Variants in DECR2 observed in about 807,000 individuals in gnomAD.
The protein encoded by DECR2 is 2,4-dienoyl-CoA reductase 2.
DECR2 carries 34 observed loss-of-function variants against 29.2 expected under a neutral mutation model. That is an observed-to-expected ratio of 1.16 (90% confidence interval 0.89 to 1.55). The LOEUF (loss-of-function observed/expected upper bound fraction) is 1.55, where lower values mean the gene tolerates loss of function less well. Among genes scored for constraint, DECR2 ranks in the 40% most tolerant of loss-of-function variants. DECR2 has a pLI of 0.00. For missense variants in DECR2, 485 were observed against 425.3 expected (o/e 1.14, Z -1.23); for synonymous variants, 224 against 182.7 (o/e 1.23, Z -1.82).
rs1401921859 is a variant in DECR2, at chr16:411,042, C to T, written c.627C>T (p.Gly209=). ...QNIRVNSLAP[G]PISGTEGLRR... The stretch of plus-strand genomic sequence containing the variant: ...TCCGCGTCAACAGCCTCGCCCCTGG[C>T]CCCATCAGTGGCACAGAGGGGCTCC... The change falls in exon 7 of 9, where the codon GGC becomes GGT. Residue 209 remains glycine, a synonymous_variant. Transcript: ENST00000219481. The T allele has an allele frequency of 1.3e-6, 2 of 1,584,718 alleles. No homozygotes were observed. The highest frequency in any genetic ancestry group is 2.3e-5 in the South Asian group (2 of 85,968).
intron 8 of DECR2, 128 bp from the exon 9 acceptor site, chr16:411,762 T>A (rs1204504): frequency 3.3e-6 from 2 of 608,552 alleles, no homozygotes; most frequent in South Asian, 2.3e-5. Context: ...GGCGCTGGTG[T>A]ACTTGCTCTT....
rs765424319 is a variant in DECR2, at chr16:410,775, G to T, written c.547G>T (p.Ala183Ser). 1.9e-6 allele frequency: 3 copies of T among 1,596,634 alleles called. No individual in the cohort carries two copies. In the South Asian group the frequency reaches 3.4e-5, roughly 18 times the overall value. The change falls in exon 6 of 9, where the codon GCC (alanine) becomes TCC (serine). Residue 183 changes from alanine to serine, a missense_variant. Ala to Ser is a moderately conservative substitution (Grantham distance 99, BLOSUM62 1). Coordinates refer to ENST00000219481, the MANE Select transcript of DECR2 (RefSeq NM_020664.4). This position sits in a 1 kb window ranked among gnomAD's most constrained non-coding sequence, Gnocchi z 4.1. ...CCAGGTGCATGCAGGCTCCGCCAAG[G>T]CCGCTGTGGGTATGACCACCCCCCC... ...ALQVHAGSAK[A>S]AVDAMTRHLA... is the part of the protein sequence containing the mutation.
At position 410,182 on chromosome 16, in the gene DECR2, C is replaced by A; in HGVS notation, c.338-61C>A. On this transcript the variant is annotated intron_variant, in intron 4 of 8. Coordinates refer to ENST00000219481, the MANE Select transcript of DECR2 (RefSeq NM_020664.4). The surrounding 1 kb of genome is among the most constrained non-coding windows in gnomAD (Gnocchi z 4.1). ...ACCCTCCGCTCTGCCCACCTGGCCA[C>A]CACCCACTTGGCATCCCTCTCCCCA... is the stretch of plus-strand genomic sequence containing the variant. 1 of 1,579,164 alleles carries A rather than the reference C, an allele frequency of 6.3e-7. No individual in the cohort carries two copies. The highest frequency in any genetic ancestry group is 1.1e-5 in the South Asian group (1 of 87,724).
chr16:407,362 C>T lies in DECR2; in HGVS notation c.202-63C>T. On this transcript the variant is annotated intron_variant, in intron 3 of 8. Transcript: ENST00000219481. ...CGGAAGCATCGTCCTCTGCAGATTCCAAAGGCCTTTTCTCCAGGCCGAGGC... is the reference window on the plus strand; with the variant it reads ...CGGAAGCATCGTCCTCTGCAGATTCTAAAGGCCTTTTCTCCAGGCCGAGGC... 3 of 1,538,074 alleles carry T rather than the reference C, an allele frequency of 2.0e-6. No homozygotes were observed. In the African/African-American group the frequency reaches 4.1e-5, roughly 21 times the overall value.
At position 410,112 on chromosome 16, in the gene DECR2, A is replaced by C; in HGVS notation, c.338-131A>C. On this transcript the variant is annotated intron_variant, in intron 4 of 8. Transcript: ENST00000219481. This position sits in a 1 kb window ranked among gnomAD's most constrained non-coding sequence, Gnocchi z 4.1. ...GTCATTTTGGAATTTATCCTAGGGCATGGGTCTCCTCCCTGTGCCACAGGG... is the reference window on the plus strand; with the variant it reads ...GTCATTTTGGAATTTATCCTAGGGCCTGGGTCTCCTCCCTGTGCCACAGGG... 7.6e-7 allele frequency: 1 copy of C among 1,316,086 alleles called. No individual in the cohort carries two copies. The highest frequency in any genetic ancestry group is 1.0e-6 in the Non-Finnish European group (1 of 975,662). The allele number at this position is 1,316,086 out of a possible 1,614,324, so 81.5% of individuals were successfully genotyped here. A position where few individuals can be genotyped will look rare whatever the true frequency, so the allele number is the denominator to read the frequency against.
At chr16:406,303 C>T (rs2054722782) in intron 2 of DECR2, 43 bp from the exon 3 acceptor site, 3 of 1,594,268 alleles carry the variant, frequency 1.9e-6, no homozygotes, top group Admixed American at 3.4e-5. Flanking sequence ...CCCGGGAGTG[C>T]CCCTCGCCCA....
At chr16:404,487 G>A (rs1331775585) in intron 1 of DECR2, among the ~76,000 whole-genome samples, 1 of 151,978 alleles carries the variant, frequency 6.6e-6, no homozygotes, top group Non-Finnish European at 1.5e-5. Flanking sequence ...TGATCCGCCC[G>A]CCTTGGCCTC....
At position 401,975 on chromosome 16, in the gene DECR2, G is replaced by A. The variant is rs1430079458; in HGVS notation, c.12G>A (p.Pro4=). 6.7e-7 allele frequency: 1 copy of A among 1,488,994 alleles called. No individual in the cohort carries two copies. Among genetic ancestry groups the A allele is most frequent in the Admixed American group, 2.3e-5 (1 of 43,600 alleles). The allele number at this position is 1,488,994 out of a possible 1,614,324, so 92.2% of individuals were successfully genotyped here. A position where few individuals can be genotyped will look rare whatever the true frequency, so the allele number is the denominator to read the frequency against. MAQ[P]PPDVEGDDCL... ...CCGACGGGAGCGCCATGGCCCAGCCGCCGCCCGACGTGGAGGGGGACGACT... is the reference window on the plus strand; with the variant it reads ...CCGACGGGAGCGCCATGGCCCAGCCACCGCCCGACGTGGAGGGGGACGACT... Residue 4 remains proline (P), a synonymous_variant, in exon 1 of 9, where the codon CCG becomes CCA. Coordinates refer to ENST00000219481, the MANE Select transcript of DECR2 (RefSeq NM_020664.4).
chr16:408,212 C>CCTGTCTCCGGGCCT (rs1208244886), intron 4 of DECR2, among the ~76,000 whole-genome samples: 1 of 45,038 alleles, frequency 2.2e-5, no homozygotes, highest in African/African-American at 1.5e-4. Flanking sequence ...TCTCCGGCCC[C>CCTGTCTCCGGGCCT]CTGTCTCCGG....
intron 1 of DECR2, chr16:403,091 T>C (rs1178505571): frequency 3.2e-6 from 3 of 947,094 alleles, no homozygotes; most frequent in East Asian, 2.3e-4. Flanking sequence ...AGTCTCATTC[T>C]GGGTTGAAGC....
chr16:409,805 A>C, intron 4 of DECR2: 1 of 159,512 alleles, frequency 6.3e-6, no homozygotes, highest in Admixed American at 6.2e-5. Flanking sequence ...GGCTTCGGGT[A>C]CTGCCATAGC....
Position 410,542 on chromosome 16 carries a change from C to CG in DECR2, c.463-149_463-148insG. ...GCCCGCTCCCTGCCCTGGGCCTCCC[C>CG]ATGACGGCCGCCCGCTCCCTGCCCT... On this transcript the variant is annotated intron_variant, in intron 5 of 8. Transcript: ENST00000219481. The surrounding 1 kb of genome is among the most constrained non-coding windows in gnomAD (Gnocchi z 4.1). 2 of 1,470,444 alleles carry CG rather than the reference C, an allele frequency of 1.4e-6. No homozygotes were observed. The highest frequency in any genetic ancestry group is 4.6e-5 in the East Asian group (2 of 43,064). 91.1% of individuals were successfully genotyped at this position (1,470,444 alleles called of 1,614,324 possible). A position where few individuals can be genotyped will look rare whatever the true frequency, so the allele number is the denominator to read the frequency against.
At position 411,039 on chromosome 16, in the gene DECR2, T is replaced by A. The variant is rs1177593840; in HGVS notation, c.624T>A (p.Pro208=). ...ACATCCGCGTCAACAGCCTCGCCCC[T>A]GGCCCCATCAGTGGCACAGAGGGGC... ...PQNIRVNSLA[P]GPISGTEGLR... Residue 208 remains proline, a synonymous_variant, in exon 7 of 9, where the codon CCT becomes CCA. Transcript: ENST00000219481. 3.1e-6 allele frequency: 5 copies of A among 1,587,520 alleles called. No homozygotes were observed. Among genetic ancestry groups the A allele is most frequent in the African/African-American group, 2.7e-5 (2 of 74,110 alleles).
rs1024063589 is a variant in DECR2 at position 405,013 on chromosome 16, G to A, written c.138G>A (p.Glu46=). ...GGSGIGFRIA[E]IFMRHGCHTV... ...CTGGGATTGGGTTCCGGATTGCTGA[G>A]ATTTTCATGCGGTGAGACTGCTCTG... The change falls in exon 2 of 9, where the codon GAG becomes GAA. Residue 46 remains glutamate, a synonymous_variant. Transcript: ENST00000219481. The A allele has an allele frequency of 4.3e-6, 7 of 1,614,134 alleles. No homozygotes were observed. Among genetic ancestry groups the A allele is most frequent in the Non-Finnish European group, 5.9e-6 (7 of 1,179,988 alleles).
chr16:410,544 T>A lies in DECR2; in HGVS notation c.463-147T>A. 1.4e-6 allele frequency: 2 copies of A among 1,432,362 alleles called. 1 individual carries two copies. The highest frequency in any genetic ancestry group is 1.9e-6 in the Non-Finnish European group (2 of 1,046,400). The allele number at this position is 1,432,362 out of a possible 1,614,324, so 88.7% of individuals were successfully genotyped here. On this transcript the variant is annotated intron_variant, in intron 5 of 8. Coordinates refer to ENST00000219481, the MANE Select transcript of DECR2 (RefSeq NM_020664.4). The surrounding 1 kb of genome is among the most constrained non-coding windows in gnomAD (Gnocchi z 4.1). ...CCGCTCCCTGCCCTGGGCCTCCCCA[T>A]GACGGCCGCCCGCTCCCTGCCCTGG...
intron 1 of DECR2, among the ~76,000 whole-genome samples, chr16:402,719 C>A (rs575276716): frequency 6.6e-6 from 1 of 151,778 alleles, no homozygotes. Flanking sequence ...AGCAGTGGCT[C>A]ACGCCTGTAA....
rs138248119 is a variant in DECR2, at chr16:403,007, T to G, written c.80+964T>G. 487 of 984,826 alleles carry G rather than the reference T, an allele frequency of 4.9e-4. 3 individuals are homozygous for G. The South Asian group carries it at 6.7e-3, about 14-fold the overall frequency. 61.0% of individuals were successfully genotyped at this position (984,826 alleles called of 1,614,324 possible). A position where few individuals can be genotyped will look rare whatever the true frequency, so the allele number is the denominator to read the frequency against. On this transcript the variant is annotated intron_variant, in intron 1 of 8. Transcript: ENST00000219481. Reference sequence around the variant, plus strand: ...AAAAGAAAACAAGTTTTAAATTATGTTCTCCAAGGACAGGTATTGACAATT... The same window carrying G: ...AAAAGAAAACAAGTTTTAAATTATGGTCTCCAAGGACAGGTATTGACAATT...
intron 1 of DECR2, among the ~76,000 whole-genome samples, chr16:402,368 A>G (rs1323861037): frequency 6.6e-6 from 1 of 151,664 alleles, no homozygotes; most frequent in Non-Finnish European, 1.5e-5. Flanking sequence ...TCCTGACCTC[A>G]GGTGATCCAC....
chr16:410,882 G>A lies in DECR2; in HGVS notation c.557-90G>A. On this transcript the variant is annotated intron_variant, in intron 6 of 8. Coordinates refer to ENST00000219481, the MANE Select transcript of DECR2 (RefSeq NM_020664.4). The surrounding 1 kb of genome is among the most constrained non-coding windows in gnomAD (Gnocchi z 4.1). ...GCCAGCAGTCTCCACTTGAAGCTGA[G>A]CCCAGCTGCAGGCAGCGAGACCTGG... is the stretch of plus-strand genomic sequence containing the variant. 1 of 1,529,566 alleles carries A rather than the reference G, an allele frequency of 6.5e-7. No homozygotes were observed. Among genetic ancestry groups the A allele is most frequent in the Non-Finnish European group, 8.8e-7 (1 of 1,131,416 alleles). 94.7% of individuals were successfully genotyped at this position (1,529,566 alleles called of 1,614,324 possible).
Sources: gnomAD v4.1 joint callset for allele counts (sites outside exome capture counted in the v4.1 genomes callset) on GRCh38, gnomAD v4.1.1 for gene constraint, Gnocchi (gnomAD v3.1) non-coding constraint, MANE v1.5 for transcripts, NCBI Gene and HGNC (gene_info 2026-07-23, HGNC 2026-07-21) for gene names.